Variants in ASIC5 observed in about 807,000 individuals in gnomAD.
The protein encoded by ASIC5 is acid sensing ion channel subunit family member 5, also known as bile acid-sensitive ion channel.
ASIC5 carries 52 observed loss-of-function variants against 51.2 expected under a neutral mutation model. That is an observed-to-expected ratio of 1.02 (90% confidence interval 0.81 to 1.28). The LOEUF is 1.28. Among genes scored for constraint, ASIC5 ranks in the 50% most tolerant of loss-of-function variants. The pLI, the probability that ASIC5 is intolerant of heterozygous loss-of-function variation, is 0.00. For synonymous variants in ASIC5, 231 were observed against 200.7 expected (o/e 1.15, Z -1.28); for missense variants, 635 against 595.0 (o/e 1.07, Z -0.70).
intron 1 of ASIC5, chr4:155,864,824 A>T (rs1741820878): frequency 6.6e-6 from 1 of 152,150 alleles, no homozygotes; most frequent in African/African-American, 2.4e-5. Context: ...GGTAAATAGT[A>T]AAATATTCAG....
At chr4:155,843,633 T>C (rs1741171205) in intron 5 of ASIC5, 48 bp downstream of exon 5, 1 of 1,597,752 alleles carries the variant, frequency 6.3e-7, no homozygotes, top group Non-Finnish European at 8.6e-7. Flanking sequence ...ACTTATGTGT[T>C]TGATGCATTC....
intron 4 of ASIC5, among the ~76,000 whole-genome samples, chr4:155,851,113 C>G (rs1183609687): frequency 6.6e-6 from 1 of 151,952 alleles, no homozygotes; most frequent in South Asian, 2.1e-4. Context: ...ACCTATGGAA[C>G]ATTGCATTGA....
At chr4:155,834,904 C>T (rs964806481) in intron 8 of ASIC5, among the ~76,000 whole-genome samples, 7 of 152,016 alleles carry the variant, frequency 4.6e-5, no homozygotes, top group Admixed American at 1.3e-4. Flanking sequence ...GGAGCTCGGC[C>T]GGGGGTGTTC....
At position 155,836,684 on chromosome 4, in the gene ASIC5, G is replaced by A. The variant is rs781010912; in HGVS notation, c.1235+5C>T. The A allele has an allele frequency of 5.0e-6, 8 of 1,588,282 alleles. No homozygotes were observed. The South Asian group carries it at 9.1e-5, about 18-fold the overall frequency. On this transcript the variant is annotated splice_donor_5th_base_variant and intron_variant, in intron 8 of 9. Transcript: ENST00000537611. ...ATCAATAATTTAAAAGGCTAGTAAGGTTACCTGATGTATTTCCGGCTTTGA... is the reference window on the plus strand; with the variant it reads ...ATCAATAATTTAAAAGGCTAGTAAGATTACCTGATGTATTTCCGGCTTTGA...
At chr4:155,835,917 C>G (rs557542359) in intron 8 of ASIC5, among the ~76,000 whole-genome samples, 1 of 152,074 alleles carries the variant, frequency 6.6e-6, no homozygotes, top group South Asian at 2.1e-4. Flanking sequence ...TGAAAATGTA[C>G]GTCAACCTTA....
At chr4:155,852,102 G>A in intron 4 of ASIC5, 89 bp downstream of exon 4, 1 of 1,364,866 alleles carries the variant, frequency 7.3e-7, no homozygotes, top group Non-Finnish European at 1.0e-6. Context: ...CAATGTGTGG[G>A]AACTATCTGA....
intron 2 of ASIC5, among the ~76,000 whole-genome samples, chr4:155,856,015 T>C (rs1560750943): frequency 6.6e-6 from 1 of 152,060 alleles, no homozygotes; most frequent in Non-Finnish European, 1.5e-5. Flanking sequence ...TCTTCATCTA[T>C]ATAACAAGGT....
At chr4:155,838,634 T>C (rs572652205) in intron 7 of ASIC5, among the ~76,000 whole-genome samples, 179 bp downstream of exon 7, 59 of 152,292 alleles carry the variant, frequency 3.9e-4, no homozygotes, top group African/African-American at 1.4e-3. Context: ...AGAGGGTTTT[T>C]GTTTGTGTAT....
At chr4:155,832,689 C>T (rs564661699) in intron 8 of ASIC5, among the ~76,000 whole-genome samples, 1 of 152,146 alleles carries the variant, frequency 6.6e-6, no homozygotes, top group East Asian at 1.9e-4. Context: ...TTCACATTTC[C>T]CTTATTTATA....
rs188170017 is a variant in ASIC5 at position 155,841,241 on chromosome 4, A to G, written c.1009+966T>C. ...GCAGTTACAATATTTTGGCAGGTAG[A>G]TTGTGTTACAATATATCTTTCTAGA... On this transcript the variant is annotated intron_variant, in intron 6 of 9. Coordinates refer to ENST00000537611, the MANE Select transcript of ASIC5 (RefSeq NM_017419.3). 1.1e-4 allele frequency among the ~76,000 whole-genome samples: 16 copies of G among 152,256 alleles called. No homozygotes were observed. The East Asian group carries it at 2.9e-3, about 28-fold the overall frequency.
At chr4:155,859,177 G>A (rs950040799) in intron 2 of ASIC5, among the ~76,000 whole-genome samples, 1 of 151,868 alleles carries the variant, frequency 6.6e-6, no homozygotes, top group Non-Finnish European at 1.5e-5. Context: ...TGAGTTGGGG[G>A]TCCTGAGATT....
chr4:155,838,421 A>G (rs1364863311), intron 7 of ASIC5, among the ~76,000 whole-genome samples: 1 of 152,178 alleles, frequency 6.6e-6, no homozygotes, highest in African/African-American at 2.4e-5. Context: ...AATAAAGTGA[A>G]TGAATGAAGG....
chr4:155,847,954 G>A lies in ASIC5; in HGVS notation c.712-4124C>T, dbSNP rs142015314. ...TGGACTCCTGTGTCAGATTAACAAG[G>A]TTTTCTTGAAGCATTAACTAACTCC... is the stretch of plus-strand genomic sequence containing the variant. On this transcript the variant is annotated intron_variant, in intron 4 of 9. Transcript: ENST00000537611. Among the ~76,000 whole-genome samples the A allele has an allele frequency of 9.7e-3, 1,482 of 152,070 alleles. 21 individuals carry two copies. Among genetic ancestry groups the A allele is most frequent in the African/African-American group, 0.034 (1,393 of 41,514 alleles).
chr4:155,861,640 A>G (rs1430071753), intron 2 of ASIC5, among the ~76,000 whole-genome samples: 2 of 152,056 alleles, frequency 1.3e-5, no homozygotes, highest in Non-Finnish European at 1.5e-5. Flanking sequence ...TTGCCTTTCA[A>G]TTGGATTGTC....
chr4:155,855,297 T>A (rs1346620189), intron 2 of ASIC5: 1 of 152,090 alleles, frequency 6.6e-6, no homozygotes, highest in African/African-American at 2.4e-5. Context: ...TCTTAAAATT[T>A]TTAGACACCT....
At chr4:155,841,232 G>C (rs1482931524) in intron 6 of ASIC5, among the ~76,000 whole-genome samples, 2 of 152,240 alleles carry the variant, frequency 1.3e-5, no homozygotes, top group South Asian at 2.1e-4. Context: ...ACAATATTTT[G>C]GCAGGTAGAT....
chr4:155,842,827 A>G (rs923031658), intron 5 of ASIC5, among the ~76,000 whole-genome samples: 1 of 152,056 alleles, frequency 6.6e-6, no homozygotes, highest in Non-Finnish European at 1.5e-5. Context: ...GGCAAATAGA[A>G]GGGTGAGGAA....
intron 6 of ASIC5, among the ~76,000 whole-genome samples, chr4:155,840,042 C>G (rs1046666006): frequency 6.6e-6 from 1 of 152,042 alleles, no homozygotes; most frequent in Non-Finnish European, 1.5e-5. Context: ...GAGAATCTAA[C>G]CAAATAAGAT....
chr4:155,841,717 G>A (rs1227464798), intron 6 of ASIC5, among the ~76,000 whole-genome samples: 2 of 152,108 alleles, frequency 1.3e-5, no homozygotes, highest in African/African-American at 4.8e-5. Context: ...TTGGTGTGCT[G>A]TTTTAGATAT....
Sources: gnomAD v4.1 joint callset for allele counts (sites outside exome capture counted in the v4.1 genomes callset) on GRCh38, gnomAD v4.1.1 for gene constraint, MANE v1.5 for transcripts, NCBI Gene and HGNC (gene_info 2026-07-23, HGNC 2026-07-21) for gene names.